The following ELAVL2 variants were observed in gnomAD, a reference collection of about 807,000 sequenced individuals.
The protein encoded by ELAVL2 is ELAV-like protein 2.
Under a neutral mutation model 34.6 loss-of-function variants are expected in ELAVL2, and 4 were observed. The ratio of observed to expected loss-of-function variants is 0.12; its 90% CI spans 0.06 to 0.26. ELAVL2 has a LOEUF of 0.26. ELAVL2 is among the 10% of genes least tolerant of loss of function. The pLI is 1.00. For synonymous variants in ELAVL2, 193 were observed against 154.8 expected (o/e 1.25, Z -1.83); for missense variants, 432 against 442.8 (o/e 0.98, Z 0.22).
chr9:23,698,456 A>C (rs1005790193), intron 5 of ELAVL2, among the ~76,000 whole-genome samples: 1 of 152,210 alleles, frequency 6.6e-6, no homozygotes, highest in Non-Finnish European at 1.5e-5. Flanking sequence ...TGACCATAAA[A>C]GATATGGCTC....
At chr9:23,705,563 C>T (rs2039045884) in intron 3 of ELAVL2, among the ~76,000 whole-genome samples, 1 of 152,224 alleles carries the variant, frequency 6.6e-6, no homozygotes, top group South Asian at 2.1e-4. Context: ...TCCCCTAGAG[C>T]AGTGGTCCCC....
chr9:23,797,501 G>A (rs1015519857), intron 1 of ELAVL2, among the ~76,000 whole-genome samples: 2 of 152,194 alleles, frequency 1.3e-5, no homozygotes, highest in African/African-American at 4.8e-5. Context: ...AAACAGAAAG[G>A]GTGCTTGGTA....
chr9:23,775,274 G>T (rs912026912), intron 1 of ELAVL2, among the ~76,000 whole-genome samples: 2 of 152,148 alleles, frequency 1.3e-5, no homozygotes, highest in African/African-American at 4.8e-5. Flanking sequence ...CTCTTGTGGA[G>T]CGGGCAAGGT....
chr9:23,741,431 G>T (rs1207070237), intron 2 of ELAVL2, among the ~76,000 whole-genome samples: 1 of 152,160 alleles, frequency 6.6e-6, no homozygotes, highest in Non-Finnish European at 1.5e-5. Flanking sequence ...TCACTGAGCA[G>T]ATGCAGATGT....
At chr9:23,848,184 A>C in the ELAVL2 span, among the ~76,000 whole-genome samples, 2 of 152,136 alleles carry the variant, frequency 1.3e-5, no homozygotes, top group African/African-American at 4.8e-5. Context: ...TTAATTATAA[A>C]TTTAAATCCT....
At chr9:23,755,162 T>G (rs183372652) in intron 2 of ELAVL2, among the ~76,000 whole-genome samples, 40 of 152,280 alleles carry the variant, frequency 2.6e-4, no homozygotes, top group Admixed American at 2.6e-3. Context: ...GAGCAAAAAT[T>G]GTGTGCCATT....
intron 1 of ELAVL2, among the ~76,000 whole-genome samples, chr9:23,791,107 G>C (rs2060269877): frequency 6.6e-6 from 1 of 152,182 alleles, no homozygotes; most frequent in Non-Finnish European, 1.5e-5. Context: ...CTATAAAACT[G>C]AAGAGGTTAG....
intron 1 of ELAVL2, among the ~76,000 whole-genome samples, chr9:23,792,763 T>C (rs2060473194): frequency 6.6e-6 from 1 of 152,114 alleles, no homozygotes; most frequent in Non-Finnish European, 1.5e-5. Context: ...TTACTTCCTT[T>C]TTTCATATTT....
At chr9:23,749,798 T>C (rs187763498) in intron 2 of ELAVL2, among the ~76,000 whole-genome samples, 1 of 152,234 alleles carries the variant, frequency 6.6e-6, no homozygotes, top group Admixed American at 6.6e-5. Flanking sequence ...AATTTGGTCC[T>C]GCTTGCTAGA....
At chr9:23,844,202 T>C in the ELAVL2 span, among the ~76,000 whole-genome samples, 1 of 152,030 alleles carries the variant, frequency 6.6e-6, no homozygotes, top group Admixed American at 6.6e-5. Flanking sequence ...ATATCTCTGA[T>C]ACCAATTATC....
rs941669657 is a variant in ELAVL2 at position 23,814,565 on chromosome 9, G to A, written c.-16+11241C>T. Reference sequence around the variant, plus strand: ...ATGGGTCATTCAGAGGCACAGGACAGAAAAGACCCCAAGGGTTTTTAAACA... The same window carrying A: ...ATGGGTCATTCAGAGGCACAGGACAAAAAAGACCCCAAGGGTTTTTAAACA... On this transcript the variant is annotated intron_variant, in intron 1 of 6. Coordinates refer to ENST00000397312, the MANE Select transcript of ELAVL2 (RefSeq NM_004432.5). Among the ~76,000 whole-genome samples the A allele has an allele frequency of 1.4e-4, 21 of 152,298 alleles. No individual in the cohort carries two copies. The South Asian group carries it at 4.1e-3, about 30-fold the overall frequency.
chr9:23,768,034 GC>G (rs1204070245), intron 1 of ELAVL2, among the ~76,000 whole-genome samples: 3 of 152,232 alleles, frequency 2.0e-5, no homozygotes, highest in Admixed American at 2.0e-4. Flanking sequence ...TTCAGGACCA[GC>G]AAATTAAAGC....
chr9:23,814,951 A>C (rs1379705676), intron 1 of ELAVL2, among the ~76,000 whole-genome samples: 1 of 147,816 alleles, frequency 6.8e-6, no homozygotes, highest in Non-Finnish European at 1.5e-5. Flanking sequence ...ATGATGCCTA[A>C]AGAATAAAAA....
intron 1 of ELAVL2, among the ~76,000 whole-genome samples, chr9:23,773,691 T>C (rs2057706980): frequency 6.6e-6 from 1 of 152,192 alleles, no homozygotes; most frequent in South Asian, 2.1e-4. Flanking sequence ...CAGGAAATTA[T>C]TCTTAAGACT....
At chr9:23,787,847 A>C (rs778922492) in intron 1 of ELAVL2, among the ~76,000 whole-genome samples, 4 of 152,220 alleles carry the variant, frequency 2.6e-5, no homozygotes, top group Non-Finnish European at 5.9e-5. Flanking sequence ...AGGTAGTGCC[A>C]AACAAACAAG....
intron 1 of ELAVL2, among the ~76,000 whole-genome samples, chr9:23,811,922 G>C (rs1195538043): frequency 2.6e-5 from 4 of 152,010 alleles, no homozygotes; most frequent in African/African-American, 9.7e-5. Context: ...AAACAATATG[G>C]GAGGAACGGG....
chr9:23,762,306 C>A (rs1424817326), intron 1 of ELAVL2, 57 bp from the exon 2 acceptor site: 1 of 1,569,816 alleles, frequency 6.4e-7, no homozygotes, highest in Non-Finnish European at 8.6e-7. Flanking sequence ...CTATTAGAGA[C>A]TCCATCCAAG....
At chr9:23,812,584 A>G (rs554143438) in intron 1 of ELAVL2, among the ~76,000 whole-genome samples, 1 of 152,274 alleles carries the variant, frequency 6.6e-6, no homozygotes, top group African/African-American at 2.4e-5. Context: ...GTTCACCTAA[A>G]AGAATCATAT....
At chr9:23,796,233 T>A (rs1341284633) in intron 1 of ELAVL2, among the ~76,000 whole-genome samples, 1 of 152,250 alleles carries the variant, frequency 6.6e-6, no homozygotes, top group African/African-American at 2.4e-5. Flanking sequence ...GGGCTTTCAC[T>A]GGGTTATTAC....
Sources: gnomAD v4.1 joint callset for allele counts (sites outside exome capture counted in the v4.1 genomes callset) on GRCh38, gnomAD v4.1.1 for gene constraint, MANE v1.5 for transcripts, NCBI Gene and HGNC (gene_info 2026-07-23, HGNC 2026-07-21) for gene names.